INO80D: variants seen among roughly 807,000 people sequenced by gnomAD.
INO80D encodes the protein INO80 complex subunit D.
Under a neutral mutation model 87.6 loss-of-function variants are expected in INO80D, and 21 were observed. The observed-to-expected ratio is 0.24, with a 90% CI of 0.17 to 0.35. The LOEUF is 0.35. INO80D is among the 10% of genes least tolerant of loss of function. The pLI, the probability that INO80D is intolerant of heterozygous loss-of-function variation, is 1.00. For synonymous variants in INO80D, 440 were observed against 491.0 expected (o/e 0.90, Z 1.37); for missense variants, 982 against 1,280.7 (o/e 0.77, Z 3.56).
At chr2:206,082,721 CTT>C (rs1221763241) in intron 1 of INO80D, among the ~76,000 whole-genome samples, 2 of 152,220 alleles carry the variant, frequency 1.3e-5, no homozygotes, top group African/African-American at 2.4e-5. Context: ...ATATAAATGA[CTT>C]TTCATTAGCC....
chr2:206,085,466 G>C lies in INO80D; in HGVS notation c.-124+435C>G, dbSNP rs1281883585. 6.6e-6 allele frequency: 1 copy of C among 151,632 alleles called. No individual in the cohort carries two copies. Among genetic ancestry groups the C allele is most frequent in the South Asian group, 2.1e-4 (1 of 4,828 alleles). The allele number at this position is 151,632 out of a possible 1,614,324, so 9.4% of individuals were successfully genotyped here. On this transcript the variant is annotated intron_variant, in intron 1 of 10. Coordinates refer to ENST00000403263, the MANE Select transcript of INO80D (RefSeq NM_017759.5). The surrounding 1 kb of genome is among the most constrained non-coding windows in gnomAD (Gnocchi z 4.5). ...AAGCCTCCGGGCCGGCGCGGGATTC[G>C]GCCCAGCAGCGCCGCCGTCCCACCC...
At chr2:206,028,665 TAA>T (rs1392209400) in intron 5 of INO80D, among the ~76,000 whole-genome samples, 1 of 152,130 alleles carries the variant, frequency 6.6e-6, no homozygotes, top group East Asian at 1.9e-4. Flanking sequence ...CTTTACTTAC[TAA>T]AAAGTCTGAG....
At chr2:206,071,382 CA>C (rs1010884295) in intron 1 of INO80D, among the ~76,000 whole-genome samples, 8 of 136,850 alleles carry the variant, frequency 5.8e-5, no homozygotes, top group Admixed American at 7.9e-5. Context: ...AGCAATCCTC[CA>C]CCATAGCTGG....
chr2:206,079,945 G>A (rs969397831), intron 1 of INO80D, among the ~76,000 whole-genome samples: 5 of 152,110 alleles, frequency 3.3e-5, no homozygotes, highest in Non-Finnish European at 5.9e-5. Context: ...ATGGAATGCC[G>A]AACTCCTCCC....
intron 6 of INO80D, among the ~76,000 whole-genome samples, chr2:206,026,335 C>T (rs1688615423): frequency 6.6e-6 from 1 of 152,074 alleles, no homozygotes; most frequent in Non-Finnish European, 1.5e-5. Context: ...CACTTGAGGT[C>T]AGGAGTTCAA....
chr2:206,055,755 T>C (rs1324814147), intron 4 of INO80D, among the ~76,000 whole-genome samples: 1 of 152,214 alleles, frequency 6.6e-6, no homozygotes, highest in Non-Finnish European at 1.5e-5. Context: ...TCAGAAATAT[T>C]TGAGAAAAAA....
intron 4 of INO80D, 25 bp downstream of exon 4, chr2:206,056,173 T>C: frequency 6.5e-7 from 1 of 1,544,270 alleles, no homozygotes; most frequent in South Asian, 1.3e-5. Flanking sequence ...TATGTGTCTA[T>C]GATACGATAA....
intron 1 of INO80D, among the ~76,000 whole-genome samples, chr2:206,070,889 A>ATTTTTT (rs71863031): frequency 7.8e-6 from 1 of 129,030 alleles, no homozygotes; most frequent in Non-Finnish European, 1.6e-5. Context: ...AGGGGACTTG[A>ATTTTTT]TTTTTTTTTT....
intron 1 of INO80D, among the ~76,000 whole-genome samples, chr2:206,076,390 C>T (rs1690117192): frequency 6.6e-6 from 1 of 152,086 alleles, no homozygotes; most frequent in Admixed American, 6.6e-5. Context: ...TTTAATTCAA[C>T]TTGATGAAGC....
chr2:206,025,761 T>C (rs1220988009), intron 6 of INO80D: 1 of 151,592 alleles, frequency 6.6e-6, no homozygotes, highest in Non-Finnish European at 1.5e-5. Context: ...AAGCTGGCCT[T>C]CTATCAGGAG....
Position 206,062,726 on chromosome 2 carries a change from G to GA in INO80D, c.218+72dup, listed in dbSNP as rs1689718571. On this transcript the variant is annotated intron_variant, in intron 3 of 10. Coordinates refer to ENST00000403263, the MANE Select transcript of INO80D (RefSeq NM_017759.5). The surrounding 1 kb of genome is among the most constrained non-coding windows in gnomAD (Gnocchi z 4.6). Reference sequence around the variant, plus strand: ...AAATGAAGGACAGAAGAAAAGAGAAGAAAAAACAAGAAAAGAAAAAATTCC... The same window carrying GA: ...AAATGAAGGACAGAAGAAAAGAGAAGAAAAAAACAAGAAAAGAAAAAATTCC... 24 of 1,288,204 alleles carry GA rather than the reference G, an allele frequency of 1.9e-5. No homozygotes were observed. In the South Asian group the frequency reaches 3.3e-4, roughly 18 times the overall value. 79.8% of individuals were successfully genotyped at this position (1,288,204 alleles called of 1,614,324 possible).
intron 5 of INO80D, among the ~76,000 whole-genome samples, chr2:206,032,250 C>A (rs898802531): frequency 1.3e-5 from 2 of 152,170 alleles, no homozygotes; most frequent in African/African-American, 4.8e-5. Context: ...AGAACCAAAG[C>A]CCCTCTCTTT....
chr2:206,026,858 G>T (rs763262624), intron 6 of INO80D, among the ~76,000 whole-genome samples: 3 of 151,804 alleles, frequency 2.0e-5, no homozygotes, highest in Admixed American at 2.0e-4. Context: ...AGATTTTCAC[G>T]AATGGAATAT....
intron 5 of INO80D, among the ~76,000 whole-genome samples, chr2:206,038,628 T>C (rs1212713503): frequency 6.6e-6 from 1 of 152,032 alleles, no homozygotes; most frequent in Non-Finnish European, 1.5e-5. Flanking sequence ...ACCCAGGAGT[T>C]CGAAAGTGGC....
At chr2:206,008,351 G>A (rs1688083218) in intron 9 of INO80D, among the ~76,000 whole-genome samples, 2 of 150,094 alleles carry the variant, frequency 1.3e-5, no homozygotes, top group Non-Finnish European at 3.0e-5. Context: ...CATGATCTCG[G>A]CTCACTGCAA....
rs371951373 is a variant in INO80D, at chr2:206,046,632, T to A, written c.965-20A>T. The A allele has an allele frequency of 4.0e-6, 6 of 1,491,536 alleles. No homozygotes were observed. Among genetic ancestry groups the A allele is most frequent in the Non-Finnish European group, 4.6e-6 (5 of 1,077,286 alleles). The allele number at this position is 1,491,536 out of a possible 1,614,324, so 92.4% of individuals were successfully genotyped here. Reference sequence around the variant, plus strand: ...CCAAACCTGGGTTAGACAGGAGATATTGCAAATTAGAAAAAGTTTACTTTT... The same window carrying A: ...CCAAACCTGGGTTAGACAGGAGATAATGCAAATTAGAAAAAGTTTACTTTT... On this transcript the variant is annotated intron_variant, in intron 4 of 10. Transcript: ENST00000403263.
chr2:206,055,540 C>G (rs1689492749), intron 4 of INO80D, among the ~76,000 whole-genome samples: 1 of 152,192 alleles, frequency 6.6e-6, no homozygotes, highest in East Asian at 1.9e-4. Context: ...AAGAACTTCA[C>G]TAGATGCACA....
rs1346172844 is a variant in INO80D, at chr2:206,000,923, C to G, written c.*3445G>C. 6.6e-6 allele frequency: 1 copy of G among 152,148 alleles called. No homozygotes were observed. Among genetic ancestry groups the G allele is most frequent in the African/African-American group, 2.4e-5 (1 of 41,424 alleles). 9.4% of individuals were successfully genotyped at this position (152,148 alleles called of 1,614,324 possible). On this transcript the variant is annotated 3_prime_UTR_variant, in exon 11 of 11. Coordinates refer to ENST00000403263, the MANE Select transcript of INO80D (RefSeq NM_017759.5). ...GGCACTAGACACACCACACTGCCTG[C>G]CAACATGAAATTGCTCAGGAAGTCA...
chr2:206,028,124 A>G lies in INO80D; in HGVS notation c.1285T>C (p.Cys429Arg), dbSNP rs1195086465. 1 of 1,544,508 alleles carries G rather than the reference A, an allele frequency of 6.5e-7. No homozygotes were observed. Among genetic ancestry groups the G allele is most frequent in the East Asian group, 2.4e-5 (1 of 40,826 alleles). ...TGTGGCTCTAACCTGGTTCGACTGC[A>G]TGCAGCTCTCCGCAGTTCTTGTATT... ...QLIQELRRAA[C>R]SRTSISRTKL... The change falls in exon 6 of 11, where the codon TGC becomes CGC. Residue 429 changes from cysteine to arginine, a missense_variant. Transcript: ENST00000403263.
Sources: allele counts gnomAD v4.1 joint callset (sites outside exome capture counted in the v4.1 genomes callset), GRCh38; gene constraint gnomAD v4.1.1; non-coding constraint Gnocchi (gnomAD v3.1); transcripts MANE v1.5; gene names NCBI Gene and HGNC (gene_info 2026-07-23, HGNC 2026-07-21).